Variants in KLB observed in about 807,000 individuals in gnomAD.
KLB encodes the protein beta-klotho.
A neutral mutation model predicts 88.4 loss-of-function variants in KLB; 44 were observed. That is an observed-to-expected ratio of 0.50 (90% confidence interval 0.39 to 0.64). The LOEUF (loss-of-function observed/expected upper bound fraction) is 0.64. Ranked by LOEUF, KLB falls within the 30% of genes least tolerant of loss-of-function variation. The pLI is 0.00. For missense variants in KLB, 1,137 were observed against 1,304.8 expected (o/e 0.87, Z 1.98); for synonymous variants, 548 against 513.4 (o/e 1.07, Z -0.91).
intron 1 of KLB, among the ~76,000 whole-genome samples, chr4:39,423,415 G>A (rs1266511233): frequency 6.6e-6 from 1 of 151,756 alleles, no homozygotes; most frequent in African/African-American, 2.4e-5. Context: ...GGACTATTTA[G>A]CTCTTTTAAT....
At chr4:39,415,955 A>G (rs1742954899) in intron 1 of KLB, among the ~76,000 whole-genome samples, 1 of 152,116 alleles carries the variant, frequency 6.6e-6, no homozygotes, top group South Asian at 2.1e-4. Flanking sequence ...TTGTTTTAAC[A>G]TTTCCTGGCA....
In KLB at chr4:39,407,780, G is replaced by A. The variant is rs767093484; in HGVS notation, c.825+6G>A. The stretch of plus-strand genomic sequence containing the variant: ...TGGGACACAACTTGATCAAGGTACT[G>A]TACAGCTAGCTTCTTCTTATAGCTT... On this transcript the variant is annotated splice_donor_region_variant and intron_variant, in intron 1 of 4. Transcript: ENST00000257408. 2 of 1,481,590 alleles carry A rather than the reference G, an allele frequency of 1.3e-6. No individual in the cohort carries two copies. The highest frequency in any genetic ancestry group is 1.4e-5 in the African/African-American group (1 of 72,154). The allele number at this position is 1,481,590 out of a possible 1,614,324, so 91.8% of individuals were successfully genotyped here.
At chr4:39,414,067 A>G (rs1343839169) in intron 1 of KLB, among the ~76,000 whole-genome samples, 1 of 152,104 alleles carries the variant, frequency 6.6e-6, no homozygotes, top group Non-Finnish European at 1.5e-5. Context: ...GACCTTGCCA[A>G]ATGTCCCCAG....
At chr4:39,415,160 G>T (rs1400926151) in intron 1 of KLB, among the ~76,000 whole-genome samples, 2 of 152,004 alleles carry the variant, frequency 1.3e-5, no homozygotes, top group Admixed American at 6.6e-5. Context: ...TGATAGACCC[G>T]CCTCGGCCTC....
chr4:39,415,133 G>A (rs921457493), intron 1 of KLB, among the ~76,000 whole-genome samples: 1 of 151,896 alleles, frequency 6.6e-6, no homozygotes, highest in African/African-American at 2.4e-5. Flanking sequence ...GGCTGGTCTC[G>A]AACTCTGGGC....
In KLB at chr4:39,434,388, A is replaced by G. The variant is rs1437981506; in HGVS notation, c.1004A>G (p.His335Arg). The change falls in exon 2 of 5, where the codon CAT becomes CGT. Residue 335 changes from histidine (H) to arginine (R), a missense_variant. Physicochemically the swap from His to Arg is conservative, Grantham distance 29. This residue lies in a region of KLB where 597 missense variants were observed against 765.2 expected (regional missense o/e 0.78). Transcript: ENST00000257408. ...CTTGGATGGTTTGCCAACCCTATCC[A>G]TGGGGATGGCGACTATCCAGAGGGG... ...SVLGWFANPI[H>R]GDGDYPEGMR... The G allele has an allele frequency of 1.2e-6, 2 of 1,614,150 alleles. No individual in the cohort carries two copies. Among genetic ancestry groups the G allele is most frequent in the Non-Finnish European group, 1.7e-6 (2 of 1,180,014 alleles).
At chr4:39,412,598 T>C (rs1742878139) in intron 1 of KLB, among the ~76,000 whole-genome samples, 1 of 152,200 alleles carries the variant, frequency 6.6e-6, no homozygotes, top group African/African-American at 2.4e-5. Context: ...AATGCCCTCT[T>C]TACTTCGTGA....
intron 1 of KLB, among the ~76,000 whole-genome samples, chr4:39,417,290 T>C (rs1011327682): frequency 2.0e-5 from 3 of 151,756 alleles, no homozygotes; most frequent in South Asian, 2.1e-4. Flanking sequence ...CCCTCCCACA[T>C]CAAAAAAGTG....
chr4:39,448,644 A>G lies in KLB; in HGVS notation c.3093A>G (p.Leu1031=). The stretch of plus-strand genomic sequence containing the variant: ...GAAAGTTTTGGAAAGCAAAAAACTT[A>G]CAACACATACCATTAAAGAAAGGCA... ...KRRKFWKAKN[L]QHIPLKKGKR... is the part of the protein sequence containing the mutation. The change falls in exon 5 of 5, where the codon TTA becomes TTG. Residue 1031 remains leucine (L), a synonymous_variant. Coordinates refer to ENST00000257408, the MANE Select transcript of KLB (RefSeq NM_175737.4). 1.9e-6 allele frequency: 3 copies of G among 1,613,230 alleles called. No homozygotes were observed. The highest frequency in any genetic ancestry group is 1.3e-5 in the African/African-American group (1 of 75,074).
rs572346790 is a variant in KLB at position 39,411,050 on chromosome 4, T to TTTTTGTTTTG, written c.825+3287_825+3296dup. The stretch of plus-strand genomic sequence containing the variant: ...TGGATGAACCAACTCTAAGTTTTTG[T>TTTTTGTTTTG]TTTTGTTTTGTTTTGTTTTGAGACG... On this transcript the variant is annotated intron_variant, in intron 1 of 4. Transcript: ENST00000257408. Among the ~76,000 whole-genome samples the TTTTTGTTTTG allele has an allele frequency of 8.4e-3, 1,271 of 152,208 alleles. 23 individuals carry two copies. The highest frequency in any genetic ancestry group is 0.027 in the African/African-American group (1,135 of 41,530).
Position 39,434,739 on chromosome 4 carries a change from T to C in KLB, c.1336+19T>C. The C allele has an allele frequency of 6.4e-7, 1 of 1,556,166 alleles. No individual in the cohort carries two copies. The highest frequency in any genetic ancestry group is 8.7e-7 in the Non-Finnish European group (1 of 1,152,036). On this transcript the variant is annotated intron_variant, in intron 2 of 4. Coordinates refer to ENST00000257408, the MANE Select transcript of KLB (RefSeq NM_175737.4). Reference sequence around the variant, plus strand: ...CTTCAAGGTTGGTTGTACACTTGCTTAATTTTTTAAAAATTCTAAAAACTT... The same window carrying C: ...CTTCAAGGTTGGTTGTACACTTGCTCAATTTTTTAAAAATTCTAAAAACTT...
intron 1 of KLB, among the ~76,000 whole-genome samples, chr4:39,430,675 G>A (rs374727995): frequency 5.5e-5 from 8 of 144,252 alleles, no homozygotes; most frequent in African/African-American, 1.0e-4. Context: ...ATCTAGGCTC[G>A]CTGCAACCTC....
intron 1 of KLB, among the ~76,000 whole-genome samples, chr4:39,424,528 AAG>A (rs1455855600): frequency 6.6e-6 from 1 of 151,786 alleles, no homozygotes; most frequent in East Asian, 1.9e-4. Context: ...CCTGAAGCTA[AAG>A]CTTCATTAGG....
At chr4:39,415,453 C>T (rs952779911) in intron 1 of KLB, among the ~76,000 whole-genome samples, 6 of 151,930 alleles carry the variant, frequency 3.9e-5, no homozygotes, top group African/African-American at 1.5e-4. Context: ...GTGATCATGC[C>T]TCTGCACTCC....
In KLB at chr4:39,434,191, T is replaced by C. The variant is rs768642087; in HGVS notation, c.826-19T>C. 6.3e-7 allele frequency: 1 copy of C among 1,581,724 alleles called. No homozygotes were observed. The highest frequency in any genetic ancestry group is 1.2e-5 in the South Asian group (1 of 84,402). Reference sequence around the variant, plus strand: ...TGTAAGTGAGGACAACAAAGATCAATAATATTTTCTTCTTTTAGGCTCACT... The same window carrying C: ...TGTAAGTGAGGACAACAAAGATCAACAATATTTTCTTCTTTTAGGCTCACT... On this transcript the variant is annotated intron_variant, in intron 1 of 4. Coordinates refer to ENST00000257408, the MANE Select transcript of KLB (RefSeq NM_175737.4).
At chr4:39,435,968 A>G (rs952682360) in intron 2 of KLB, among the ~76,000 whole-genome samples, 1 of 152,196 alleles carries the variant, frequency 6.6e-6, no homozygotes, top group Non-Finnish European at 1.5e-5. Flanking sequence ...ACTCTATTAC[A>G]TGACGGCATG....
chr4:39,434,086 TG>T, intron 1 of KLB, 123 bp from the exon 2 acceptor site: 1 of 901,572 alleles, frequency 1.1e-6, no homozygotes, highest in Non-Finnish European at 1.7e-6. Context: ...CAGGGCTCCC[TG>T]GCAGCTTTCC....
chr4:39,426,109 A>G (rs3107673), intron 1 of KLB, among the ~76,000 whole-genome samples: 90,273 of 151,798 alleles, frequency 0.59, 28,590 homozygotes, highest in East Asian at 0.71. Flanking sequence ...AAAATCAGCC[A>G]GGCGTGGTGT....
intron 1 of KLB, among the ~76,000 whole-genome samples, chr4:39,427,126 G>A (rs1024755436): frequency 3.3e-5 from 5 of 152,194 alleles, no homozygotes; most frequent in African/African-American, 1.2e-4. Flanking sequence ...CTTGAGGCCA[G>A]GAGTTCGATA....
Sources: allele counts gnomAD v4.1 joint callset (sites outside exome capture counted in the v4.1 genomes callset), GRCh38; gene constraint gnomAD v4.1.1; regional missense constraint gnomAD v4.1.1; transcripts MANE v1.5; gene names NCBI Gene and HGNC (gene_info 2026-07-23, HGNC 2026-07-21).